The following EEA1 variants were observed in gnomAD, a reference collection of about 807,000 sequenced individuals.
EEA1 encodes the protein early endosome antigen 1, also known as early endosome antigen 1, 162kD.
A neutral mutation model predicts 209.2 loss-of-function variants in EEA1; 111 were observed. The ratio of observed to expected loss-of-function variants is 0.53; its 90% CI spans 0.45 to 0.62. The LOEUF is 0.62. Ranked by LOEUF, EEA1 falls within the 20% of genes least tolerant of loss-of-function variation. EEA1 has a pLI of 0.00. For missense variants in EEA1, 1,343 were observed against 1,530.8 expected, an observed-to-expected ratio of 0.88 and a Z score of 2.05; for synonymous variants, 536 against 540.6, an observed-to-expected ratio of 0.99 and a Z score of 0.12.
chr12:92,787,068 A>C (rs1175587973), intron 22 of EEA1, among the ~76,000 whole-genome samples: 1 of 152,186 alleles, frequency 6.6e-6, no homozygotes, highest in South Asian at 2.1e-4. Flanking sequence ...TCCTTATAAC[A>C]GCCTATGGAT....
intron 9 of EEA1, among the ~76,000 whole-genome samples, chr12:92,846,918 A>C (rs1877407188): frequency 6.6e-6 from 1 of 152,108 alleles, no homozygotes; most frequent in Admixed American, 6.6e-5. Context: ...ATTGCCATTA[A>C]TTTTGTTTGA....
chr12:92,857,583 A>C, intron 3 of EEA1, 98 bp from the exon 4 acceptor site: 1 of 707,754 alleles, frequency 1.4e-6, no homozygotes, highest in South Asian at 3.4e-5. Flanking sequence ...TTAATATTAT[A>C]GTTTTTTCAA....
At chr12:92,928,128 T>C (rs1215682703) in intron 1 of EEA1, among the ~76,000 whole-genome samples, 2 of 150,088 alleles carry the variant, frequency 1.3e-5, no homozygotes, top group Non-Finnish European at 3.0e-5. Flanking sequence ...TGTTACACCC[T>C]ATCAGCCTCA....
In EEA1 at chr12:92,802,600, A is replaced by G; in HGVS notation, c.2474T>C (p.Ile825Thr). 6.2e-7 allele frequency: 1 copy of G among 1,602,264 alleles called. No homozygotes were observed. The highest frequency in any genetic ancestry group is 8.5e-7 in the Non-Finnish European group (1 of 1,176,730). ...DFETLSQETK[I>T]QHEELNNRIQ... ...TCTGTTATTCAATTCCTCATGCTGA[A>G]TCTTTGTTTCTTGACTTAAAGTTTC... Residue 825 changes from isoleucine (I) to threonine (T), a missense_variant, in exon 19 of 29, where the codon ATT (isoleucine) becomes ACT (threonine). Physicochemically the swap from Ile to Thr is moderately conservative, Grantham distance 89. Around this residue, in one of 3 missense-constraint regions of EEA1, gnomAD observed 1,307 missense variants for 1,465.5 expected, o/e 0.89. Transcript: ENST00000322349.
At chr12:92,852,053 G>C (rs1877652882) in intron 8 of EEA1, 122 bp downstream of exon 8, 1 of 705,386 alleles carries the variant, frequency 1.4e-6, no homozygotes, top group African/African-American at 1.9e-5. Flanking sequence ...AGAATATAGG[G>C]AATTGCTTAT....
At position 92,774,210 on chromosome 12, in the gene EEA1, T is replaced by C. The variant is rs1174454704; in HGVS notation, c.*1801A>G. ...TTCAGTTTATATTATCCAACTATTA[T>C]TTTTAATAAAGAGCCACTGTATTTC... is the stretch of plus-strand genomic sequence containing the variant. On this transcript the variant is annotated 3_prime_UTR_variant, in exon 29 of 29. Coordinates refer to ENST00000322349, the MANE Select transcript of EEA1 (RefSeq NM_003566.4). 1 of 151,546 alleles carries C rather than the reference T, an allele frequency of 6.6e-6. No homozygotes were observed. The highest frequency in any genetic ancestry group is 1.5e-5 in the Non-Finnish European group (1 of 67,592). 9.4% of individuals were successfully genotyped at this position (151,546 alleles called of 1,614,324 possible).
At chr12:92,911,012 G>C (rs995894091) in intron 1 of EEA1, among the ~76,000 whole-genome samples, 2 of 152,152 alleles carry the variant, frequency 1.3e-5, no homozygotes, top group Non-Finnish European at 2.9e-5. Context: ...TGGAGAAATA[G>C]GAACAGGAAT....
At position 92,773,932 on chromosome 12, in the gene EEA1, T is replaced by A. The variant is rs1369770938; in HGVS notation, c.*2079A>T. On this transcript the variant is annotated 3_prime_UTR_variant, in exon 29 of 29. Coordinates refer to ENST00000322349, the MANE Select transcript of EEA1 (RefSeq NM_003566.4). ...TATATGGTTACTTGTTGTCTTAAAA[T>A]TTTTTTGTGAGTATTTTGGGGGTAA... 2 of 79,162 alleles carry A rather than the reference T, an allele frequency of 2.5e-5. No homozygotes were observed. The highest frequency in any genetic ancestry group is 6.4e-5 in the Non-Finnish European group (2 of 31,462). 4.9% of individuals were successfully genotyped at this position (79,162 alleles called of 1,614,324 possible).
At chr12:92,815,948 A>T (rs892154478) in intron 15 of EEA1, among the ~76,000 whole-genome samples, 18 of 150,808 alleles carry the variant, frequency 1.2e-4, no homozygotes, top group African/African-American at 4.1e-4. Context: ...ACAGAGACAG[A>T]GAGAGAGAGG....
intron 2 of EEA1, chr12:92,883,725 C>T (rs963672919): frequency 1.9e-6 from 2 of 1,058,094 alleles, no homozygotes; most frequent in Admixed American, 2.0e-5. Context: ...TTTCTGCCCG[C>T]GGACGCCACT....
rs1592741077 is a variant in EEA1, at chr12:92,858,494, G to A, written c.246-1009C>T. 23 of 944,846 alleles carry A rather than the reference G, an allele frequency of 2.4e-5. No homozygotes were observed. The East Asian group carries it at 5.5e-4, about 23-fold the overall frequency. The allele number at this position is 944,846 out of a possible 1,614,324, so 58.5% of individuals were successfully genotyped here. On this transcript the variant is annotated intron_variant, in intron 3 of 28. Coordinates refer to ENST00000322349, the MANE Select transcript of EEA1 (RefSeq NM_003566.4). The stretch of plus-strand genomic sequence containing the variant: ...TTGGTGTTGGAGACCAGGGCTTGAT[G>A]TTTGGCTACGCCACTGATGAAACTG...
rs1408135551 is a variant in EEA1, at chr12:92,770,771, T to C, written c.*5240A>G. The C allele has an allele frequency of 1.3e-5, 2 of 152,086 alleles. No homozygotes were observed. Among genetic ancestry groups the C allele is most frequent in the Non-Finnish European group, 2.9e-5 (2 of 67,988 alleles). The allele number at this position is 152,086 out of a possible 1,614,324, so 9.4% of individuals were successfully genotyped here. A position where few individuals can be genotyped will look rare whatever the true frequency, so the allele number is the denominator to read the frequency against. ...TATTCTCAAACTCATCTCAGGTATA[T>C]AGTACTCTAACGTGGAAGTAGAAAA... On this transcript the variant is annotated 3_prime_UTR_variant, in exon 29 of 29. Transcript: ENST00000322349.
At chr12:92,831,071 T>A (rs1388213008) in intron 11 of EEA1, among the ~76,000 whole-genome samples, 1 of 152,190 alleles carries the variant, frequency 6.6e-6, no homozygotes, top group East Asian at 1.9e-4. Context: ...GTGAAGTGCT[T>A]ACTCTAATTT....
intron 1 of EEA1, among the ~76,000 whole-genome samples, chr12:92,893,490 C>T (rs1879745152): frequency 6.6e-6 from 1 of 152,188 alleles, no homozygotes. Context: ...ACATATTTGC[C>T]TCAACATGTG....
intron 1 of EEA1, among the ~76,000 whole-genome samples, chr12:92,911,553 T>C (rs1277423668): frequency 6.6e-6 from 1 of 152,188 alleles, no homozygotes; most frequent in African/African-American, 2.4e-5. Flanking sequence ...TATGGTATTA[T>C]AACGGTAGAT....
At chr12:92,855,802 T>C (rs1334022881) in intron 5 of EEA1, among the ~76,000 whole-genome samples, 1 of 152,220 alleles carries the variant, frequency 6.6e-6, no homozygotes, top group African/African-American at 2.4e-5. Flanking sequence ...GGAAAAGTTA[T>C]TTAAGTGTAT....
At chr12:92,843,310 C>T (rs1167805706) in intron 9 of EEA1, among the ~76,000 whole-genome samples, 1 of 152,062 alleles carries the variant, frequency 6.6e-6, no homozygotes, top group Non-Finnish European at 1.5e-5. Flanking sequence ...AGGTGTGTGC[C>T]ATCACGCCCA....
chr12:92,926,151 T>A (rs1881206375), intron 1 of EEA1, among the ~76,000 whole-genome samples: 1 of 151,888 alleles, frequency 6.6e-6, no homozygotes, highest in African/African-American at 2.4e-5. Flanking sequence ...GCACCACCAC[T>A]CCCGGCTAAT....
At chr12:92,834,051 G>A (rs1876793930) in intron 10 of EEA1, among the ~76,000 whole-genome samples, 3 of 152,000 alleles carry the variant, frequency 2.0e-5, no homozygotes, top group Admixed American at 6.6e-5. Flanking sequence ...TGAAGGAAAA[G>A]GCAAACAAGT....
Sources: gnomAD v4.1 joint callset for allele counts (sites outside exome capture counted in the v4.1 genomes callset) on GRCh38, gnomAD v4.1.1 for gene constraint, gnomAD v4.1.1 regional missense constraint, MANE v1.5 for transcripts, NCBI Gene and HGNC (gene_info 2026-07-23, HGNC 2026-07-21) for gene names.